Variants in ZSCAN22 observed in about 807,000 individuals in gnomAD.
ZSCAN22 encodes the protein zinc finger and SCAN domain-containing protein 22.
A neutral mutation model predicts 12.4 loss-of-function variants in ZSCAN22; 7 were observed. The ratio of observed to expected loss-of-function variants is 0.57; its 90% confidence interval spans 0.32 to 1.06. The LOEUF is 1.06. Among genes scored for constraint, ZSCAN22 ranks in the 50% least tolerant of loss-of-function variants. The pLI, the probability that ZSCAN22 is intolerant of heterozygous loss-of-function variation, is 0.04. For synonymous variants in ZSCAN22, 243 were observed against 255.9 expected, an observed-to-expected ratio of 0.95 and a Z score of 0.48; for missense variants, 576 against 631.7, an observed-to-expected ratio of 0.91 and a Z score of 0.94.
intron 1 of ZSCAN22, 156 bp from the exon 2 acceptor site, chr19:58,334,596 A>G (rs2051767964): frequency 3.4e-6 from 2 of 586,158 alleles, no homozygotes; most frequent in Non-Finnish European, 5.9e-6. Flanking sequence ...AACAGTGCTC[A>G]GCACCAAGTG....
In ZSCAN22 at chr19:58,338,892, G is replaced by A. The variant is rs759636737; in HGVS notation, c.1042G>A (p.Gly348Arg). The A allele has an allele frequency of 6.2e-7, 1 of 1,613,982 alleles. No individual in the cohort carries two copies. The highest frequency in any genetic ancestry group is 8.5e-7 in the Non-Finnish European group (1 of 1,180,004). Residue 348 changes from glycine (G) to arginine (R), a missense_variant, in exon 3 of 3, where the codon GGA becomes AGA. By Grantham distance (125) the Gly-to-Arg change is moderately radical. Coordinates refer to ENST00000329665, the MANE Select transcript of ZSCAN22 (RefSeq NM_181846.3). This position sits in a 1 kb window ranked among gnomAD's most constrained non-coding sequence, Gnocchi z 5.4. ...HLTQHQRIHT[G>R]EKPYKCGECG... is the part of the protein sequence containing the mutation. Reference sequence around the variant, plus strand: ...GACTCAGCACCAAAGGATTCATACTGGAGAGAAACCCTACAAATGTGGGGA... The same window carrying A: ...GACTCAGCACCAAAGGATTCATACTAGAGAGAAACCCTACAAATGTGGGGA...
rs1470935351 is a variant in ZSCAN22 at position 58,340,120 on chromosome 19, CT to C, written c.*795del. On this transcript the variant is annotated 3_prime_UTR_variant, in exon 3 of 3. Coordinates refer to ENST00000329665, the MANE Select transcript of ZSCAN22 (RefSeq NM_181846.3). ...CACTTCCTGCCTTTATTCTCTGCCC[CT>C]GTATCACTCTCCAGGGGACTCTTGA... 6.6e-6 allele frequency: 1 copy of C among 152,250 alleles called. No homozygotes were observed. The highest frequency in any genetic ancestry group is 2.4e-5 in the African/African-American group (1 of 41,424). The allele number at this position is 152,250 out of a possible 1,614,324, so 9.4% of individuals were successfully genotyped here. A position where few individuals can be genotyped will look rare whatever the true frequency, so the allele number is the denominator to read the frequency against.
Position 58,338,172 on chromosome 19 carries a change from C to A in ZSCAN22, c.404-82C>A. 3 of 1,312,968 alleles carry A rather than the reference C, an allele frequency of 2.3e-6. No homozygotes were observed. The highest frequency in any genetic ancestry group is 3.2e-6 in the Non-Finnish European group (3 of 952,218). The allele number at this position is 1,312,968 out of a possible 1,614,324, so 81.3% of individuals were successfully genotyped here. A position where few individuals can be genotyped will look rare whatever the true frequency, so the allele number is the denominator to read the frequency against. Reference sequence around the variant, plus strand: ...TAGGAACGGGCCACATCTCCCCTTACAAAGTGTGACCGGGGCCCTCGGCAG... The same window carrying A: ...TAGGAACGGGCCACATCTCCCCTTAAAAAGTGTGACCGGGGCCCTCGGCAG... On this transcript the variant is annotated intron_variant, in intron 2 of 2. Coordinates refer to ENST00000329665, the MANE Select transcript of ZSCAN22 (RefSeq NM_181846.3). This position sits in a 1 kb window ranked among gnomAD's most constrained non-coding sequence, Gnocchi z 5.4.
rs1176453053 is a variant in ZSCAN22 at position 58,342,307 on chromosome 19, C to T, written c.*2981C>T. The T allele has an allele frequency of 6.6e-6, 1 of 152,168 alleles. No individual in the cohort carries two copies. The highest frequency in any genetic ancestry group is 1.5e-5 in the Non-Finnish European group (1 of 68,030). The allele number at this position is 152,168 out of a possible 1,614,324, so 9.4% of individuals were successfully genotyped here. A position where few individuals can be genotyped will look rare whatever the true frequency, so the allele number is the denominator to read the frequency against. On this transcript the variant is annotated 3_prime_UTR_variant, in exon 3 of 3. Transcript: ENST00000329665. ...GCATATCCAAATATGTCAGCAATTT[C>T]AATAAACATGACTGTACTCAACAAA... is the stretch of plus-strand genomic sequence containing the variant.
In ZSCAN22 at chr19:58,340,945, C is replaced by T. The variant is rs942057456; in HGVS notation, c.*1619C>T. 2 of 152,210 alleles carry T rather than the reference C, an allele frequency of 1.3e-5. No homozygotes were observed. The highest frequency in any genetic ancestry group is 4.8e-5 in the African/African-American group (2 of 41,526). 9.4% of individuals were successfully genotyped at this position (152,210 alleles called of 1,614,324 possible). ...ACTTATTTGCTCCTTGTAGAGCTGC[C>T]TTTTCCAAGGATACCATAAACTCCT... On this transcript the variant is annotated 3_prime_UTR_variant, in exon 3 of 3. Transcript: ENST00000329665.
rs2051875633 is a variant in ZSCAN22 at position 58,341,527 on chromosome 19, C to G, written c.*2201C>G. The G allele has an allele frequency of 6.6e-6, 1 of 152,176 alleles. No homozygotes were observed. The highest frequency in any genetic ancestry group is 6.5e-5 in the Admixed American group (1 of 15,274). The allele number at this position is 152,176 out of a possible 1,614,324, so 9.4% of individuals were successfully genotyped here. A position where few individuals can be genotyped will look rare whatever the true frequency, so the allele number is the denominator to read the frequency against. The stretch of plus-strand genomic sequence containing the variant: ...ATCTCCCTGTATTTCGGGCCCATTC[C>G]CTCTATGTCAAGAGTAAATAGAGGC... On this transcript the variant is annotated 3_prime_UTR_variant, in exon 3 of 3. Transcript: ENST00000329665.
Position 58,335,429 on chromosome 19 carries a change from C to T in ZSCAN22, c.403+224C>T, listed in dbSNP as rs566220611. Among the ~76,000 whole-genome samples, 186 of 152,324 alleles carry T rather than the reference C, an allele frequency of 1.2e-3. 1 individual carries two copies. The highest frequency in any genetic ancestry group is 9.6e-4 in the East Asian group (5 of 5,190). On this transcript the variant is annotated intron_variant, in intron 2 of 2. Coordinates refer to ENST00000329665, the MANE Select transcript of ZSCAN22 (RefSeq NM_181846.3). This position sits in a 1 kb window ranked among gnomAD's most constrained non-coding sequence, Gnocchi z 4.1. ...AAGAAGGGTAAGGAGGCAGCAGATACGGCTATATCCAGAAGATCTGTTGAC... is the reference window on the plus strand; with the variant it reads ...AAGAAGGGTAAGGAGGCAGCAGATATGGCTATATCCAGAAGATCTGTTGAC...
chr19:58,332,097 T>C (rs917933620), intron 1 of ZSCAN22, among the ~76,000 whole-genome samples: 8 of 151,762 alleles, frequency 5.3e-5, no homozygotes, highest in Admixed American at 4.6e-4. Context: ...GGTCTTGAAC[T>C]CCTGACCTCG....
chr19:58,337,369 G>A (rs1417680765), intron 2 of ZSCAN22, among the ~76,000 whole-genome samples: 1 of 151,596 alleles, frequency 6.6e-6, no homozygotes, highest in Non-Finnish European at 1.5e-5. Flanking sequence ...AGGCCTAGAC[G>A]CAAGGCGTTG....
Position 58,338,128 on chromosome 19 carries a change from T to C in ZSCAN22, c.404-126T>C. The C allele has an allele frequency of 1.2e-6, 1 of 852,018 alleles. No homozygotes were observed. Among genetic ancestry groups the C allele is most frequent in the Non-Finnish European group, 1.8e-6 (1 of 561,884 alleles). 52.8% of individuals were successfully genotyped at this position (852,018 alleles called of 1,614,324 possible). On this transcript the variant is annotated intron_variant, in intron 2 of 2. Transcript: ENST00000329665. The surrounding 1 kb of genome is among the most constrained non-coding windows in gnomAD (Gnocchi z 5.4). Reference sequence around the variant, plus strand: ...AGACACCAAATGAGAAACTTCCCCTTGGAACTGGGGCCAGATGTTAGGAAC... The same window carrying C: ...AGACACCAAATGAGAAACTTCCCCTCGGAACTGGGGCCAGATGTTAGGAAC...
At chr19:58,333,827 A>G (rs1355086134) in intron 1 of ZSCAN22, among the ~76,000 whole-genome samples, 1 of 152,250 alleles carries the variant, frequency 6.6e-6, no homozygotes, top group Non-Finnish European at 1.5e-5. Context: ...TGGGCGACAG[A>G]GGGAGACTCC....
At chr19:58,333,034 T>C (rs548802684) in intron 1 of ZSCAN22, among the ~76,000 whole-genome samples, 1 of 152,372 alleles carries the variant, frequency 6.6e-6, no homozygotes, top group East Asian at 1.9e-4. Flanking sequence ...TGCAGTTCCC[T>C]GGTAGCTAGT....
At position 58,340,480 on chromosome 19, in the gene ZSCAN22, C is replaced by CTTTCCTT. The variant is rs1555778674; in HGVS notation, c.*1157_*1158insCCTTTTT. On this transcript the variant is annotated 3_prime_UTR_variant, in exon 3 of 3. Coordinates refer to ENST00000329665, the MANE Select transcript of ZSCAN22 (RefSeq NM_181846.3). ...CTTCTTTTTCTTTTTCTTTTCTTTT[C>CTTTCCTT]TTTTTTTTTTTTTGAGATGGAGTCT... 2.1e-5 allele frequency: 3 copies of CTTTCCTT among 142,162 alleles called. No individual in the cohort carries two copies. The East Asian group carries it at 6.0e-4, about 28-fold the overall frequency. The allele number at this position is 142,162 out of a possible 1,614,324, so 8.8% of individuals were successfully genotyped here.
chr19:58,332,043 T>A (rs796937310), intron 1 of ZSCAN22, among the ~76,000 whole-genome samples: 4 of 151,902 alleles, frequency 2.6e-5, no homozygotes, highest in African/African-American at 4.8e-5. Flanking sequence ...CCGGCTGATT[T>A]TGTATTTTTA....
intron 1 of ZSCAN22, among the ~76,000 whole-genome samples, chr19:58,328,126 T>C (rs561123183): frequency 2.0e-4 from 31 of 152,266 alleles, no homozygotes; most frequent in Non-Finnish European, 3.7e-4. Flanking sequence ...GCTGGGATTA[T>C]AGGCATGAGC....
Position 58,338,419 on chromosome 19 carries a change from C to G in ZSCAN22, c.569C>G (p.Ser190Ter). The part of the protein sequence containing the change: ...PEGSSERSGL[S>*]GEIWTKSVTQ... Reference sequence around the variant, plus strand: ...GGCAGCTCAGAGAGGTCTGGACTATCAGGGGAGATCTGGACAAAGTCTGTC... The same window carrying G: ...GGCAGCTCAGAGAGGTCTGGACTATGAGGGGAGATCTGGACAAAGTCTGTC... The change falls in exon 3 of 3, where the codon TCA becomes TGA. Residue 190 changes from serine (S) to a stop codon, truncating the protein, a stop_gained. Transcript: ENST00000329665. LOFTEE classifies it low-confidence loss of function (END_TRUNC). This position sits in a 1 kb window ranked among gnomAD's most constrained non-coding sequence, Gnocchi z 5.4. The G allele has an allele frequency of 6.2e-7, 1 of 1,614,166 alleles. No individual in the cohort carries two copies. Among genetic ancestry groups the G allele is most frequent in the Non-Finnish European group, 8.5e-7 (1 of 1,180,022 alleles).
At chr19:58,333,189 T>C (rs2051746994) in intron 1 of ZSCAN22, among the ~76,000 whole-genome samples, 1 of 152,262 alleles carries the variant, frequency 6.6e-6, no homozygotes, top group Admixed American at 6.5e-5. Context: ...CCTTATCAAA[T>C]ATATGATTTG....
In ZSCAN22 at chr19:58,338,615, G is replaced by A. The variant is rs1179079126; in HGVS notation, c.765G>A (p.Gly255=). The change falls in exon 3 of 3, where the codon GGG becomes GGA. Residue 255 remains glycine, a synonymous_variant. Coordinates refer to ENST00000329665, the MANE Select transcript of ZSCAN22 (RefSeq NM_181846.3). This position sits in a 1 kb window ranked among gnomAD's most constrained non-coding sequence, Gnocchi z 5.4. ...AATTTGATCTGGTGGATGCTTATGG[G>A]ACAGAGCCTCCATACACCTACTCAG... ...EDKFDLVDAY[G]TEPPYTYSGK... 5.6e-6 allele frequency: 9 copies of A among 1,614,092 alleles called. No homozygotes were observed. Among genetic ancestry groups the A allele is most frequent in the Non-Finnish European group, 7.6e-6 (9 of 1,180,046 alleles).
chr19:58,334,821 TC>T lies in ZSCAN22; in HGVS notation c.22del (p.Leu8Ter). ...CTGCCCGATGGCCATCCCCAAGCAC[TC>T]CCTGAGCCCAGTGCCGTGGGAAGAG... is the stretch of plus-strand genomic sequence containing the variant. MAIPKH[S>X]LSPVPWEEDS... On this transcript the variant is annotated frameshift_variant, in exon 2 of 3. Coordinates refer to ENST00000329665, the MANE Select transcript of ZSCAN22 (RefSeq NM_181846.3). LOFTEE classifies it high-confidence loss of function. 2 of 1,606,082 alleles carry T rather than the reference TC, an allele frequency of 1.2e-6. No individual in the cohort carries two copies. Among genetic ancestry groups the T allele is most frequent in the Non-Finnish European group, 1.7e-6 (2 of 1,174,538 alleles).
Sources: allele counts gnomAD v4.1 joint callset (sites outside exome capture counted in the v4.1 genomes callset), GRCh38; gene constraint gnomAD v4.1.1; non-coding constraint Gnocchi (gnomAD v3.1); transcripts MANE v1.5; gene names NCBI Gene and HGNC (gene_info 2026-07-23, HGNC 2026-07-21).